KCNT2: variants seen among roughly 807,000 people sequenced by gnomAD.
The protein encoded by KCNT2 is potassium sodium-activated channel subfamily T member 2.
Under a neutral mutation model 153.8 loss-of-function variants are expected in KCNT2, and 67 were observed. That is an observed-to-expected ratio of 0.44 (90% confidence interval 0.36 to 0.53). The LOEUF (loss-of-function observed/expected upper bound fraction) is 0.53. KCNT2 is among the 20% of genes least tolerant of loss of function. The pLI is 0.00. For synonymous variants in KCNT2, 500 were observed against 458.8 expected (o/e 1.09, Z -1.15); for missense variants, 975 against 1,354.8 (o/e 0.72, Z 4.40).
chr1:196,591,342 T>G (rs1663342155), intron 1 of KCNT2, among the ~76,000 whole-genome samples: 1 of 152,088 alleles, frequency 6.6e-6, no homozygotes, highest in Non-Finnish European at 1.5e-5. Flanking sequence ...GGTACCATGC[T>G]TGCACAGCCT....
At chr1:196,565,166 T>C (rs922643189) in intron 1 of KCNT2, among the ~76,000 whole-genome samples, 2 of 144,758 alleles carry the variant, frequency 1.4e-5, no homozygotes, top group East Asian at 2.0e-4. Flanking sequence ...GAAAAACATA[T>C]AAATGGCCAA....
chr1:196,492,560 T>C (rs1476166943), intron 1 of KCNT2, among the ~76,000 whole-genome samples: 1 of 152,178 alleles, frequency 6.6e-6, no homozygotes, highest in Admixed American at 6.5e-5. Flanking sequence ...AAGCAATTAT[T>C]TTCTACTTTT....
At chr1:196,521,934 CT>C (rs1193358736) in intron 1 of KCNT2, among the ~76,000 whole-genome samples, 4 of 152,062 alleles carry the variant, frequency 2.6e-5, no homozygotes, top group Admixed American at 2.0e-4. Context: ...ACATGTACCC[CT>C]GAACCTAAAA....
chr1:196,391,107 G>A (rs1032217997), intron 13 of KCNT2, among the ~76,000 whole-genome samples: 1 of 151,186 alleles, frequency 6.6e-6, no homozygotes, highest in African/African-American at 2.4e-5. Flanking sequence ...GGGCAGGAAA[G>A]GGGGGTTGTA....
At chr1:196,506,021 A>G (rs1488927282) in intron 1 of KCNT2, among the ~76,000 whole-genome samples, 1 of 152,112 alleles carries the variant, frequency 6.6e-6, no homozygotes, top group Non-Finnish European at 1.5e-5. Context: ...CAATCATGTC[A>G]TCTGCAAACA....
chr1:196,412,050 G>A (rs1426386173), intron 12 of KCNT2, among the ~76,000 whole-genome samples: 1 of 151,690 alleles, frequency 6.6e-6, no homozygotes, highest in African/African-American at 2.4e-5. Context: ...TGATGTACGA[G>A]CTCTCTAATA....
At chr1:196,397,054 C>A (rs1670997015) in intron 13 of KCNT2, among the ~76,000 whole-genome samples, 1 of 151,272 alleles carries the variant, frequency 6.6e-6, no homozygotes, top group Admixed American at 6.6e-5. Flanking sequence ...TTTATTAAAT[C>A]CTTACTATTA....
At chr1:196,433,226 A>G (rs1246124416) in intron 8 of KCNT2, among the ~76,000 whole-genome samples, 1 of 152,088 alleles carries the variant, frequency 6.6e-6, no homozygotes, top group Admixed American at 6.6e-5. Flanking sequence ...TCTATTGTTT[A>G]TATATTACCC....
At chr1:196,474,336 T>C (rs1416479971) in intron 5 of KCNT2, among the ~76,000 whole-genome samples, 2 of 152,210 alleles carry the variant, frequency 1.3e-5, no homozygotes, top group Non-Finnish European at 2.9e-5. Flanking sequence ...AGAATACCTG[T>C]ATTTTAAAAT....
chr1:196,569,201 C>T (rs1210261462), intron 1 of KCNT2, among the ~76,000 whole-genome samples: 1 of 151,820 alleles, frequency 6.6e-6, no homozygotes, highest in Admixed American at 6.6e-5. Context: ...TAATTTATTT[C>T]TTTCAAGTTA....
intron 21 of KCNT2, among the ~76,000 whole-genome samples, chr1:196,311,238 G>A (rs1356043594): frequency 6.6e-6 from 1 of 151,666 alleles, no homozygotes; most frequent in Non-Finnish European, 1.5e-5. Flanking sequence ...TAGACTATTA[G>A]TATTCAAAGG....
At chr1:196,273,697 T>C (rs532456235) in intron 25 of KCNT2, among the ~76,000 whole-genome samples, 1 of 151,888 alleles carries the variant, frequency 6.6e-6, no homozygotes, top group South Asian at 2.1e-4. Context: ...TCTTGTTAGA[T>C]TGTTTTTGTT....
chr1:196,334,348 T>G (rs1474372871), intron 16 of KCNT2, among the ~76,000 whole-genome samples: 1 of 151,834 alleles, frequency 6.6e-6, no homozygotes, highest in Non-Finnish European at 1.5e-5. Context: ...TATAGAAACT[T>G]AAAGTGAAAA....
chr1:196,422,494 C>T (rs1259064384), intron 12 of KCNT2, among the ~76,000 whole-genome samples: 1 of 151,714 alleles, frequency 6.6e-6, no homozygotes, highest in Non-Finnish European at 1.5e-5. Context: ...TTGCTTTATA[C>T]AATTTAATTT....
intron 13 of KCNT2, among the ~76,000 whole-genome samples, chr1:196,381,757 G>A (rs1669509729): frequency 6.6e-6 from 1 of 152,068 alleles, no homozygotes; most frequent in Admixed American, 6.5e-5. Context: ...ACACTGAACT[G>A]ATGACTGAGA....
intron 1 of KCNT2, among the ~76,000 whole-genome samples, chr1:196,498,026 A>G (rs1680392226): frequency 6.6e-6 from 1 of 152,156 alleles, no homozygotes. Context: ...AACTGTCATC[A>G]ATTTTTCCTA....
At chr1:196,511,452 T>C (rs1681623236) in intron 1 of KCNT2, among the ~76,000 whole-genome samples, 1 of 152,070 alleles carries the variant, frequency 6.6e-6, no homozygotes. Context: ...ACAGCAGAAA[T>C]AGATGTTACA....
chr1:196,373,275 G>C (rs1312233640), intron 13 of KCNT2, 27 bp from the exon 14 acceptor site: 3 of 945,948 alleles, frequency 3.2e-6, no homozygotes, highest in South Asian at 1.4e-5. Flanking sequence ...AGGTAAATTA[G>C]AATAATTTAC....
chr1:196,564,251 C>T (rs1409052174), intron 1 of KCNT2, among the ~76,000 whole-genome samples: 1 of 151,604 alleles, frequency 6.6e-6, no homozygotes, highest in Non-Finnish European at 1.5e-5. Context: ...AATTCTTAAT[C>T]CTGTTTATAA....
Sources: gnomAD v4.1 joint callset for allele counts (sites outside exome capture counted in the v4.1 genomes callset) on GRCh38, gnomAD v4.1.1 for gene constraint, MANE v1.5 for transcripts, NCBI Gene and HGNC (gene_info 2026-07-23, HGNC 2026-07-21) for gene names.